Variants in KRT5 observed in about 807,000 individuals in gnomAD.
KRT5 encodes the protein keratin 5.
KRT5 carries 17 observed loss-of-function variants against 44.0 expected under a neutral mutation model. That is an observed-to-expected ratio of 0.39 (90% CI 0.26 to 0.58). The LOEUF is 0.58. KRT5 is among the 20% of genes least tolerant of loss of function. KRT5 has a pLI of 0.61. For synonymous variants in KRT5, 329 were observed against 312.8 expected (o/e 1.05, Z -0.55); for missense variants, 737 against 785.5 (o/e 0.94, Z 0.74).
At chr12:52,517,335 G>T in intron 5 of KRT5, 103 bp from the exon 6 acceptor site, 3 of 1,445,938 alleles carry the variant, frequency 2.1e-6, no homozygotes, top group Non-Finnish European at 2.9e-6. Flanking sequence ...AAATAGTGTG[G>T]GGCTGGTTCA....
rs757819698 is a variant in KRT5, at chr12:52,516,839, C to T, written c.1237G>A (p.Ala413Thr). 1.9e-6 allele frequency: 3 copies of T among 1,614,176 alleles called. No individual in the cohort carries two copies. The highest frequency in any genetic ancestry group is 2.2e-5 in the East Asian group (1 of 44,882). ...VKKQCANLQN[A>T]IADAEQRGEL... is the part of the protein sequence containing the mutation. ...CCACGCTGCTCGGCATCCGCAATGG[C>T]GTTCTGCAGATTGGCGCACTACAGA... The change falls in exon 7 of 9, where the codon GCC (alanine) becomes ACC (threonine). Residue 413 changes from alanine (A) to threonine (T), a missense_variant. Ala to Thr is a moderately conservative substitution (Grantham distance 58). This residue lies in a region of KRT5 where 344 missense variants were observed against 351.6 expected (regional missense o/e 0.98). Transcript: ENST00000252242.
chr12:52,518,986 G>A lies in KRT5; in HGVS notation c.730C>T (p.Leu244=), dbSNP rs1938663136. The A allele has an allele frequency of 6.2e-7, 1 of 1,614,038 alleles. No homozygotes were observed. The highest frequency in any genetic ancestry group is 8.5e-7 in the Non-Finnish European group (1 of 1,180,028). ...TCCACCAGGTCCTGCATGTTTCTCA[G>A]CTCTGAGTCCAGGCGGCCCCGTTCC... is the stretch of plus-strand genomic sequence containing the variant. The part of the protein sequence containing the change: ...VGERGRLDSE[L]RNMQDLVEDF... The change falls in exon 2 of 9, where the codon CTG becomes TTG. Residue 244 remains leucine (L), a synonymous_variant. Transcript: ENST00000252242.
At position 52,514,912 on chromosome 12, in the gene KRT5, A is replaced by G; in HGVS notation, c.*30T>C. 1.3e-6 allele frequency: 2 copies of G among 1,592,088 alleles called. No homozygotes were observed. Among genetic ancestry groups the G allele is most frequent in the Middle Eastern group, 1.8e-4 (1 of 5,686 alleles). ...CAATCTCCATGGGCTGGGTTGCTGC[A>G]CTTGGAAGGCAGTGACTTGCAGCAG... On this transcript the variant is annotated 3_prime_UTR_variant, in exon 9 of 9. Coordinates refer to ENST00000252242, the MANE Select transcript of KRT5 (RefSeq NM_000424.4).
chr12:52,518,562 G>T (rs1938655528), intron 2 of KRT5: 2 of 539,766 alleles, frequency 3.7e-6, no homozygotes, highest in Non-Finnish European at 6.9e-6. Context: ...TAAGACTAAA[G>T]AAATTACTTG....
Position 52,517,690 on chromosome 12 carries a change from C to T in KRT5, c.992G>A (p.Arg331His), listed in dbSNP as rs56729325. ...TSVVLSMDNN[R>H]NLDLDSIIAE... ...GATGATGCTATCCAGGTCCAGGTTG[C>T]GGTTGTTGTCCATGGAGAGGACCAC... The change falls in exon 5 of 9, where the codon CGC becomes CAC. Residue 331 changes from arginine (R) to histidine (H), a missense_variant. Arg to His is a conservative substitution (Grantham distance 29). Coordinates refer to ENST00000252242, the MANE Select transcript of KRT5 (RefSeq NM_000424.4). The T allele has an allele frequency of 2.5e-6, 4 of 1,614,182 alleles. No homozygotes were observed. The highest frequency in any genetic ancestry group is 2.2e-5 in the East Asian group (1 of 44,876).
chr12:52,516,544 C>T, intron 7 of KRT5, 93 bp downstream of exon 7: 1 of 1,213,918 alleles, frequency 8.2e-7, no homozygotes, highest in South Asian at 1.2e-5. Flanking sequence ...ACGCACAAGT[C>T]ACTGATCTCA....
chr12:52,517,862 C>A, intron 4 of KRT5, 35 bp downstream of exon 4: 1 of 1,608,214 alleles, frequency 6.2e-7, no homozygotes, highest in Non-Finnish European at 8.5e-7. Context: ...GGAAAAAAAA[C>A]CCACCCATGT....
intron 5 of KRT5, 112 bp from the exon 6 acceptor site, chr12:52,517,344 C>G: frequency 7.4e-7 from 1 of 1,359,248 alleles, no homozygotes; most frequent in Non-Finnish European, 1.0e-6. Flanking sequence ...GGGGCTGGTT[C>G]AGGCTTTTCC....
intron 1 of KRT5, chr12:52,519,462 G>A (rs1199726357): frequency 2.4e-5 from 15 of 625,578 alleles, no homozygotes; most frequent in Non-Finnish European, 4.2e-5. Context: ...TTCCTGTACA[G>A]TCAGCCCCTT....
At position 52,514,771 on chromosome 12, in the gene KRT5, A is replaced by G; in HGVS notation, c.*171T>C. 1 of 643,774 alleles carries G rather than the reference A, an allele frequency of 1.6e-6. No individual in the cohort carries two copies. The highest frequency in any genetic ancestry group is 2.7e-6 in the Non-Finnish European group (1 of 366,586). 39.9% of individuals were successfully genotyped at this position (643,774 alleles called of 1,614,324 possible). On this transcript the variant is annotated 3_prime_UTR_variant, in exon 9 of 9. Coordinates refer to ENST00000252242, the MANE Select transcript of KRT5 (RefSeq NM_000424.4). ...ATATAGAACTGCGGCACGGGAGACC[A>G]GGGGCTGGGAATGGGGCTCTCCTGG...
At position 52,517,478 on chromosome 12, in the gene KRT5, T is replaced by A. The variant is rs1313310434; in HGVS notation, c.1092+112A>T. 6.5e-6 allele frequency: 8 copies of A among 1,224,220 alleles called. No homozygotes were observed. The African/African-American group carries it at 8.9e-5, about 14-fold the overall frequency. The allele number at this position is 1,224,220 out of a possible 1,614,324, so 75.8% of individuals were successfully genotyped here. On this transcript the variant is annotated intron_variant, in intron 5 of 8. Transcript: ENST00000252242. ...TCTACACAGCCATTCCTATAAAGCA[T>A]CCCAATGGGCTTCAGCAGGTTCCAG...
chr12:52,516,593 C>T (rs747290107), intron 7 of KRT5, 44 bp downstream of exon 7: 19 of 1,589,850 alleles, frequency 1.2e-5, no homozygotes, highest in Admixed American at 5.0e-5. Flanking sequence ...AGCAGCTTCG[C>T]TTTATCAGCT....
Position 52,515,636 on chromosome 12 carries a change from C to T in KRT5, c.1474+162G>A, listed in dbSNP as rs1034740112. 8.4e-6 allele frequency: 6 copies of T among 711,474 alleles called. No homozygotes were observed. The African/African-American group carries it at 8.8e-5, about 10-fold the overall frequency. The allele number at this position is 711,474 out of a possible 1,614,324, so 44.1% of individuals were successfully genotyped here. On this transcript the variant is annotated intron_variant, in intron 8 of 8. Coordinates refer to ENST00000252242, the MANE Select transcript of KRT5 (RefSeq NM_000424.4). ...AAGCCACATTGCTTCCTGTCCCAAT[C>T]TGTCCTTCCCCTCCACCACCCACAA...
Position 52,517,754 on chromosome 12 carries a change from C to G in KRT5, c.928G>C (p.Glu310Gln), listed in dbSNP as rs1253409127. ...ACATGCGTCTGCATCTGGGACAGCT[C>G]CTGCAGGGAGATTTGGAGTCGGTCA... The part of the protein sequence containing the change: ...INFMKMFFDA[E>Q]LSQMQTHVSD... Residue 310 changes from glutamate to glutamine, a missense_variant and splice_region_variant, in exon 5 of 9, where the codon GAG becomes CAG. Glu to Gln is a conservative substitution (Grantham distance 29). Transcript: ENST00000252242. The G allele has an allele frequency of 1.2e-6, 2 of 1,614,194 alleles. No individual in the cohort carries two copies. Among genetic ancestry groups the G allele is most frequent in the Admixed American group, 3.3e-5 (2 of 60,030 alleles).
Position 52,514,885 on chromosome 12 carries a change from G to A in KRT5, c.*57C>T. On this transcript the variant is annotated 3_prime_UTR_variant, in exon 9 of 9. Transcript: ENST00000252242. Reference sequence around the variant, plus strand: ...ATGGCTTGAGCAACTGCCTAGAAGAGGCAATCTCCATGGGCTGGGTTGCTG... The same window carrying A: ...ATGGCTTGAGCAACTGCCTAGAAGAAGCAATCTCCATGGGCTGGGTTGCTG... The A allele has an allele frequency of 6.8e-7, 1 of 1,461,030 alleles. No homozygotes were observed. The highest frequency in any genetic ancestry group is 9.6e-7 in the Non-Finnish European group (1 of 1,042,972). The allele number at this position is 1,461,030 out of a possible 1,614,324, so 90.5% of individuals were successfully genotyped here.
Position 52,515,236 on chromosome 12 carries a change from A to T in KRT5, c.1479T>A (p.Val493=). Residue 493 remains valine, a synonymous_variant, in exon 9 of 9, where the codon GTT becomes GTA. Transcript: ENST00000252242. ...ATCCAGAGGAAACACTGCTTGTGAC[A>T]ACAGCTGCAGGGAAAGGAGGGAGGA... is the stretch of plus-strand genomic sequence containing the variant. ...GEGVGPVNIS[V]VTSSVSSGYG... is the part of the protein sequence containing the mutation. 6.2e-7 allele frequency: 1 copy of T among 1,606,658 alleles called. No homozygotes were observed. Among genetic ancestry groups the T allele is most frequent in the Non-Finnish European group, 8.5e-7 (1 of 1,179,920 alleles).
At position 52,520,069 on chromosome 12, in the gene KRT5, G is replaced by A; in HGVS notation, c.228C>T (p.Ile76=). 6.2e-7 allele frequency: 1 copy of A among 1,614,118 alleles called. No homozygotes were observed. Among genetic ancestry groups the A allele is most frequent in the Non-Finnish European group, 8.5e-7 (1 of 1,180,022 alleles). ...TCCTGAAGCTGCCACCACTAGTGCT[G>A]ATGGATATCCTCTTGGAGCCCCCCA... is the stretch of plus-strand genomic sequence containing the variant. ...YNLGGSKRIS[I]STSGGSFRNR... Residue 76 remains isoleucine, a synonymous_variant, in exon 1 of 9, where the codon ATC becomes ATT. Transcript: ENST00000252242.
At chr12:52,518,073 G>T (rs1565593329) in intron 3 of KRT5, 30 bp downstream of exon 3, 2 of 1,613,546 alleles carry the variant, frequency 1.2e-6, no homozygotes, top group Non-Finnish European at 1.7e-6. Context: ...CATAGCTGCA[G>T]GCTGCTGGTT....
chr12:52,518,432 G>A (rs1328113415), intron 2 of KRT5: 2 of 636,974 alleles, frequency 3.1e-6, no homozygotes, highest in South Asian at 1.5e-5. Context: ...AAGCTGTGCT[G>A]TTTCTCCCCA....
Sources: gnomAD v4.1 joint callset for allele counts on GRCh38, gnomAD v4.1.1 for gene constraint, gnomAD v4.1.1 regional missense constraint, MANE v1.5 for transcripts, NCBI Gene and HGNC (gene_info 2026-07-23, HGNC 2026-07-21) for gene names.